The following STAG1 variants were observed in gnomAD, a reference collection of about 807,000 sequenced individuals.
The protein encoded by STAG1 is cohesin subunit SA-1.
STAG1 carries 26 observed loss-of-function variants against 170.9 expected under a neutral mutation model. The observed-to-expected ratio is 0.15, with a 90% confidence interval of 0.11 to 0.21. STAG1 has a LOEUF of 0.21. STAG1 is among the 10% of genes least tolerant of loss of function. The pLI is 1.00. For missense variants in STAG1, 964 were observed against 1,509.5 expected (o/e 0.64, Z 5.99); for synonymous variants, 514 against 497.7 (o/e 1.03, Z -0.44).
intron 1 of STAG1, among the ~76,000 whole-genome samples, chr3:136,637,481 T>A (rs1296715381): frequency 1.3e-5 from 2 of 152,232 alleles, no homozygotes; most frequent in Non-Finnish European, 2.9e-5. Flanking sequence ...GCAGGTTAGA[T>A]CATTATTCTG....
chr3:136,712,029 T>A (rs925556870), intron 1 of STAG1, among the ~76,000 whole-genome samples: 1 of 152,194 alleles, frequency 6.6e-6, no homozygotes, highest in Non-Finnish European at 1.5e-5. Flanking sequence ...TTTTGTTTGT[T>A]TGTTTTTGAG....
At chr3:136,355,587 C>T (rs1376418509) in intron 28 of STAG1, among the ~76,000 whole-genome samples, 1 of 152,056 alleles carries the variant, frequency 6.6e-6, no homozygotes, top group Non-Finnish European at 1.5e-5. Context: ...AGACAGAACA[C>T]ACATCTACAG....
chr3:136,448,015 A>G (rs986204699), intron 14 of STAG1, among the ~76,000 whole-genome samples: 2 of 152,162 alleles, frequency 1.3e-5, no homozygotes, highest in Admixed American at 1.3e-4. Context: ...TCTGGCATGC[A>G]TCTAAAATAC....
chr3:136,737,731 G>A (rs1934420985), intron 1 of STAG1, among the ~76,000 whole-genome samples: 1 of 152,196 alleles, frequency 6.6e-6, no homozygotes, highest in Admixed American at 6.5e-5. Context: ...TCATCACAGA[G>A]CTAACATTCC....
At chr3:136,478,394 T>C (rs905410677) in intron 9 of STAG1, among the ~76,000 whole-genome samples, 1 of 152,186 alleles carries the variant, frequency 6.6e-6, no homozygotes, top group African/African-American at 2.4e-5. Context: ...TGTAAACAAA[T>C]ACAATGTTAA....
chr3:136,636,248 CAA>C (rs145310398), intron 1 of STAG1, among the ~76,000 whole-genome samples: 2 of 133,048 alleles, frequency 1.5e-5, no homozygotes, highest in Non-Finnish European at 1.6e-5. Context: ...AACTCTGTCT[CAA>C]AAAAAAAAAA....
At chr3:136,412,023 A>AAAACAAAC (rs138662410) in intron 21 of STAG1, among the ~76,000 whole-genome samples, 7 of 151,428 alleles carry the variant, frequency 4.6e-5, no homozygotes, top group African/African-American at 1.7e-4. Flanking sequence ...CTTCGTCTAA[A>AAAACAAAC]AAACAAACAA....
intron 4 of STAG1, among the ~76,000 whole-genome samples, chr3:136,595,723 TAA>T (rs1938395684): frequency 8.0e-6 from 1 of 125,058 alleles, no homozygotes. Context: ...AATAAATAAA[TAA>T]ATAAGAACTT....
intron 6 of STAG1, among the ~76,000 whole-genome samples, chr3:136,529,477 A>T (rs1446803288): frequency 1.3e-5 from 2 of 152,226 alleles, no homozygotes; most frequent in Non-Finnish European, 2.9e-5. Flanking sequence ...ATGGAAGGAC[A>T]TATTCACACT....
rs902114097 is a variant in STAG1 at position 136,484,147 on chromosome 3, G to C, written c.903-6735C>G. Reference sequence around the variant, plus strand: ...GGAACTGCGTTCTTTTGGAGGAGGAGAGGCGCTCTGCGTTTTAGAGTTTCC... The same window carrying C: ...GGAACTGCGTTCTTTTGGAGGAGGACAGGCGCTCTGCGTTTTAGAGTTTCC... On this transcript the variant is annotated intron_variant, in intron 9 of 33. Transcript: ENST00000383202. 5.4e-5 allele frequency among the ~76,000 whole-genome samples: 8 copies of C among 147,194 alleles called. No homozygotes were observed. In the Admixed American group the frequency reaches 5.5e-4, roughly 10 times the overall value.
chr3:136,663,211 T>C (rs1941636908), intron 1 of STAG1, among the ~76,000 whole-genome samples: 2 of 152,110 alleles, frequency 1.3e-5, no homozygotes, highest in Admixed American at 6.6e-5. Context: ...TGGATGAGTA[T>C]AGTTATGATG....
At chr3:136,360,321 G>T (rs982779263) in intron 26 of STAG1, among the ~76,000 whole-genome samples, 1 of 152,018 alleles carries the variant, frequency 6.6e-6, no homozygotes, top group Non-Finnish European at 1.5e-5. Flanking sequence ...TGTGTTTACT[G>T]CTCTCTCCTG....
At chr3:136,420,668 G>A (rs2087926886) in intron 20 of STAG1, among the ~76,000 whole-genome samples, 1 of 152,216 alleles carries the variant, frequency 6.6e-6, no homozygotes, top group Non-Finnish European at 1.5e-5. Flanking sequence ...TCATGGGCCA[G>A]TGTCATGATC....
chr3:136,339,663 G>A (rs1935861965), intron 32 of STAG1, among the ~76,000 whole-genome samples: 2 of 152,176 alleles, frequency 1.3e-5, no homozygotes, highest in South Asian at 4.1e-4. Flanking sequence ...CATTTGGCCA[G>A]TCTTGTTCCA....
chr3:136,707,286 A>C (rs1175881156), intron 1 of STAG1, among the ~76,000 whole-genome samples: 1 of 152,234 alleles, frequency 6.6e-6, no homozygotes, highest in African/African-American at 2.4e-5. Context: ...AAATGAGAGA[A>C]AATACTTACG....
rs114682931 is a variant in STAG1, at chr3:136,445,247, G to C, written c.1429-1843C>G. Among the ~76,000 whole-genome samples the C allele has an allele frequency of 3.8e-3, 580 of 152,158 alleles. 3 individuals carry two copies. Among genetic ancestry groups the C allele is most frequent in the African/African-American group, 0.013 (549 of 41,516 alleles). On this transcript the variant is annotated intron_variant, in intron 14 of 33. Coordinates refer to ENST00000383202, the MANE Select transcript of STAG1 (RefSeq NM_005862.3). ...TTGTAAATAATATAGGCAAAGGTTT[G>C]AGGGAGATATCTTCAAACTTTCCTA...
intron 13 of STAG1, among the ~76,000 whole-genome samples, chr3:136,463,748 T>TGC (rs1447704887): frequency 5.7e-4 from 47 of 82,180 alleles, no homozygotes; most frequent in South Asian, 1.8e-3. Context: ...TGTGTGTGTG[T>TGC]GTGTGTGTGT....
chr3:136,605,776 C>A (rs537846188), intron 3 of STAG1, among the ~76,000 whole-genome samples: 43 of 152,218 alleles, frequency 2.8e-4, no homozygotes, highest in Non-Finnish European at 5.6e-4. Context: ...GAAGCTGGAC[C>A]CTGTAAACAT....
Position 136,613,313 on chromosome 3 carries a change from C to CAAAAAAAAAAAA in STAG1, c.133-8852_133-8841dup, listed in dbSNP as rs60449608. Among the ~76,000 whole-genome samples, 327 of 59,706 alleles carry CAAAAAAAAAAAA rather than the reference C, an allele frequency of 5.5e-3. 31 individuals are homozygous for CAAAAAAAAAAAA. Among genetic ancestry groups the CAAAAAAAAAAAA allele is most frequent in the Admixed American group, 6.7e-3 (23 of 3,408 alleles). 39.2% of individuals were successfully genotyped at this position (59,706 alleles called of 152,430 possible). A position where few individuals can be genotyped will look rare whatever the true frequency, so the allele number is the denominator to read the frequency against. ...AAGTGAACAGAGTGAGACTCCGTCT[C>CAAAAAAAAAAAA]AAAAAAAAAAAAAAAAAAAAAAGAA... is the stretch of plus-strand genomic sequence containing the variant. On this transcript the variant is annotated intron_variant, in intron 3 of 33. Transcript: ENST00000383202.
Sources: gnomAD v4.1 joint callset for allele counts (sites outside exome capture counted in the v4.1 genomes callset) on GRCh38, gnomAD v4.1.1 for gene constraint, MANE v1.5 for transcripts, NCBI Gene and HGNC (gene_info 2026-07-23, HGNC 2026-07-21) for gene names.